Variants in CCDC172 observed in about 807,000 individuals in gnomAD.
The protein encoded by CCDC172 is coiled-coil domain-containing protein 172.
A neutral mutation model predicts 38.0 loss-of-function variants in CCDC172; 30 were observed. The observed-to-expected ratio is 0.79, with a 90% CI of 0.59 to 1.07. The LOEUF is 1.07. Ranked by LOEUF, CCDC172 falls within the 50% of genes least tolerant of loss-of-function variation. The probability of loss-of-function intolerance (pLI) is 0.00; values close to 1 mark genes in which losing one functional copy is unlikely to be tolerated. For synonymous variants in CCDC172, 78 were observed against 88.3 expected, an observed-to-expected ratio of 0.88 and a Z score of 0.66; for missense variants, 297 against 290.1, an observed-to-expected ratio of 1.02 and a Z score of -0.17.
At chr10:116,337,051 T>C (rs1844741081) in intron 3 of CCDC172, among the ~76,000 whole-genome samples, 1 of 152,050 alleles carries the variant, frequency 6.6e-6, no homozygotes, top group Non-Finnish European at 1.5e-5. Context: ...AAACAGTCTT[T>C]ATTGCTGAGA....
chr10:116,360,787 C>G (rs1397584495), intron 7 of CCDC172, among the ~76,000 whole-genome samples: 36 of 152,128 alleles, frequency 2.4e-4, no homozygotes, highest in Admixed American at 2.4e-3. Context: ...CATTGCTGGA[C>G]TCCACAAGAG....
chr10:116,348,694 C>T (rs995614104), intron 5 of CCDC172, among the ~76,000 whole-genome samples: 3 of 152,016 alleles, frequency 2.0e-5, no homozygotes, highest in African/African-American at 4.8e-5. Context: ...CCAAGCTTTC[C>T]AACCTGTTTT....
At chr10:116,347,892 T>A (rs1285341472) in intron 5 of CCDC172, among the ~76,000 whole-genome samples, 1 of 152,186 alleles carries the variant, frequency 6.6e-6, no homozygotes, top group East Asian at 1.9e-4. Flanking sequence ...TATTTCCAAC[T>A]GTAATCTATT....
chr10:116,336,663 A>G (rs1844737749), intron 3 of CCDC172, among the ~76,000 whole-genome samples: 1 of 151,908 alleles, frequency 6.6e-6, no homozygotes, highest in Non-Finnish European at 1.5e-5. Flanking sequence ...GGTATGTGAA[A>G]TTTTCTACGT....
intron 5 of CCDC172, among the ~76,000 whole-genome samples, chr10:116,347,249 G>C (rs1844878864): frequency 6.6e-6 from 1 of 152,146 alleles, no homozygotes; most frequent in Admixed American, 6.5e-5. Flanking sequence ...TGAAAGATGG[G>C]CAGAACACGT....
intron 3 of CCDC172, among the ~76,000 whole-genome samples, chr10:116,326,927 G>A (rs545367912): frequency 5.9e-5 from 9 of 152,326 alleles, no homozygotes; most frequent in African/African-American, 1.9e-4. Flanking sequence ...CAGCAATGCT[G>A]AAAGCTGGTG....
chr10:116,370,931 T>C (rs1231813123), intron 7 of CCDC172, among the ~76,000 whole-genome samples: 1 of 151,862 alleles, frequency 6.6e-6, no homozygotes, highest in African/African-American at 2.4e-5. Context: ...TTTTATTATT[T>C]GAATTTTTTT....
chr10:116,373,064 T>G (rs1280837524), intron 7 of CCDC172, among the ~76,000 whole-genome samples: 1 of 151,990 alleles, frequency 6.6e-6, no homozygotes, highest in Non-Finnish European at 1.5e-5. Context: ...CAGATAGAAA[T>G]TTGGAGCTAT....
chr10:116,374,838 C>A (rs1438248609), intron 7 of CCDC172, among the ~76,000 whole-genome samples: 1 of 149,362 alleles, frequency 6.7e-6, no homozygotes, highest in African/African-American at 2.5e-5. Flanking sequence ...GAGTAAGACA[C>A]AAATATATGG....
At chr10:116,338,755 C>T (rs1045805805) in intron 3 of CCDC172, among the ~76,000 whole-genome samples, 3 of 152,048 alleles carry the variant, frequency 2.0e-5, no homozygotes, top group African/African-American at 7.2e-5. Context: ...GAGTCCTTAA[C>T]ATAAGGCTTT....
chr10:116,355,899 G>A (rs1218632297), intron 5 of CCDC172, among the ~76,000 whole-genome samples: 1 of 152,120 alleles, frequency 6.6e-6, no homozygotes, highest in African/African-American at 2.4e-5. Context: ...TTATATAATG[G>A]TAATTGGATG....
chr10:116,378,279 G>T, intron 7 of CCDC172, 144 bp from the exon 8 acceptor site: 1 of 826,328 alleles, frequency 1.2e-6, no homozygotes, highest in South Asian at 2.4e-5. Flanking sequence ...AGTCTTTATG[G>T]AATTATAGAT....
At chr10:116,344,067 C>A (rs553604036) in intron 5 of CCDC172, among the ~76,000 whole-genome samples, 1 of 151,906 alleles carries the variant, frequency 6.6e-6, no homozygotes, top group South Asian at 2.1e-4. Context: ...AATCCAAAAA[C>A]AAATAGCTAA....
In CCDC172 at chr10:116,329,496, C is replaced by T. The variant is rs529166563; in HGVS notation, c.165+4108C>T. ...GTAGAATCATGTGGGACTTTTAGTG[C>T]TAACACTAGGACAGCCCCATGCAAA... is the stretch of plus-strand genomic sequence containing the variant. On this transcript the variant is annotated intron_variant, in intron 3 of 8. Transcript: ENST00000333254. 7.6e-4 allele frequency among the ~76,000 whole-genome samples: 116 copies of T among 152,218 alleles called. 2 individuals are homozygous for T. Among genetic ancestry groups the T allele is most frequent in the East Asian group, 1.9e-4 (1 of 5,180 alleles).
intron 3 of CCDC172, among the ~76,000 whole-genome samples, chr10:116,336,160 T>G (rs1844729941): frequency 1.3e-5 from 2 of 149,044 alleles, no homozygotes; most frequent in African/African-American, 5.0e-5. Flanking sequence ...AGAGTAAGAC[T>G]CCATTTCAAC....
intron 7 of CCDC172, among the ~76,000 whole-genome samples, chr10:116,360,500 C>T (rs1445780134): frequency 6.6e-6 from 1 of 152,168 alleles, no homozygotes; most frequent in African/African-American, 2.4e-5. Context: ...TGTATTCTAA[C>T]CACTGGGAAA....
intron 7 of CCDC172, among the ~76,000 whole-genome samples, chr10:116,368,249 T>A (rs1422140529): frequency 2.6e-5 from 4 of 152,156 alleles, no homozygotes; most frequent in Non-Finnish European, 5.9e-5. Flanking sequence ...CTTGTACATA[T>A]CCTTTCCCCA....
At chr10:116,345,630 A>G (rs568734252) in intron 5 of CCDC172, among the ~76,000 whole-genome samples, 1 of 152,308 alleles carries the variant, frequency 6.6e-6, no homozygotes, top group African/African-American at 2.4e-5. Flanking sequence ...AAAGGCAAAA[A>G]GCCAATTATA....
At chr10:116,367,606 T>C in intron 7 of CCDC172, among the ~76,000 whole-genome samples, 1 of 151,694 alleles carries the variant, frequency 6.6e-6, no homozygotes, top group East Asian at 1.9e-4. Context: ...AGGAGAATGG[T>C]GTGAACCCAG....
Sources: gnomAD v4.1 joint callset for allele counts (sites outside exome capture counted in the v4.1 genomes callset) on GRCh38, gnomAD v4.1.1 for gene constraint, MANE v1.5 for transcripts, NCBI Gene and HGNC (gene_info 2026-07-23, HGNC 2026-07-21) for gene names.